The following CCP110 variants were observed in gnomAD, a reference collection of about 807,000 sequenced individuals.
The protein encoded by CCP110 is centriolar coiled-coil protein 110.
CCP110 carries 43 observed loss-of-function variants against 105.5 expected under a neutral mutation model. That is an observed-to-expected ratio of 0.41 (90% CI 0.32 to 0.53). The LOEUF (loss-of-function observed/expected upper bound fraction) is 0.53, where lower values mean the gene tolerates loss of function less well. Ranked by LOEUF, CCP110 falls within the 20% of genes least tolerant of loss-of-function variation. CCP110 has a pLI of 0.32. For synonymous variants in CCP110, 353 were observed against 392.1 expected, an observed-to-expected ratio of 0.90 and a Z score of 1.18; for missense variants, 1,016 against 1,189.1, an observed-to-expected ratio of 0.85 and a Z score of 2.14.
exon 15 of CCP110, chr16:19,553,167 T>TTTTAA (rs1165785770): frequency 6.6e-6 from 1 of 152,216 alleles, no homozygotes; most frequent in Non-Finnish European, 1.5e-5. Context: ...ACTTGAGTGT[T>TTTTAA]TTTAATTTAA....
In CCP110 at chr16:19,551,281, A is replaced by G. The variant is rs553788750; in HGVS notation, c.*33A>G. ...ACATTCATTAGGATAAAATGGGGGGAAGGATTATTATTCATGTTATTTTCC... is the reference window on the plus strand; with the variant it reads ...ACATTCATTAGGATAAAATGGGGGGGAGGATTATTATTCATGTTATTTTCC... On this transcript the variant is annotated 3_prime_UTR_variant, in exon 15 of 15. Coordinates refer to ENST00000381396, the Ensembl canonical transcript of CCP110. The G allele has an allele frequency of 5.2e-6, 8 of 1,550,730 alleles. No homozygotes were observed. The South Asian group carries it at 8.9e-5, about 17-fold the overall frequency.
In CCP110 at chr16:19,548,882, G is replaced by A. The variant is rs1970546958; in HGVS notation, c.2986+282G>A. 6.6e-6 allele frequency among the ~76,000 whole-genome samples: 1 copy of A among 152,160 alleles called. No individual in the cohort carries two copies. The highest frequency in any genetic ancestry group is 1.5e-5 in the Non-Finnish European group (1 of 68,020). ...TGTAGAATTTGCCATGCTTAATTCAGAAAACCTTTTTATTTAATGAATAAA... is the reference window on the plus strand; with the variant it reads ...TGTAGAATTTGCCATGCTTAATTCAAAAAACCTTTTTATTTAATGAATAAA... On this transcript the variant is annotated intron_variant, in intron 14 of 14. Coordinates refer to ENST00000381396, the Ensembl canonical transcript of CCP110. The surrounding 1 kb of genome is among the most constrained non-coding windows in gnomAD (Gnocchi z 4.1).
intron 3 of CCP110, among the ~76,000 whole-genome samples, chr16:19,535,705 ACT>A (rs142344334): frequency 0.045 from 6,891 of 152,002 alleles, 188 homozygotes; most frequent in African/African-American, 0.073. Context: ...TCTTTTTATA[ACT>A]CTTTTATAAC....
exon 4 of CCP110, chr16:19,536,679 C>G: frequency 6.2e-7 from 1 of 1,614,130 alleles, no homozygotes; most frequent in Non-Finnish European, 8.5e-7. Flanking sequence ...GTTCTAGAGT[C>G]TAATTCTGAT....
exon 13 of CCP110, chr16:19,547,979 G>T (rs1365630260): frequency 4.7e-5 from 76 of 1,612,376 alleles, no homozygotes; most frequent in Non-Finnish European, 6.2e-5. Context: ...ACCAAGGACA[G>T]AATGCACCTG....
chr16:19,545,700 A>T, intron 10 of CCP110, 117 bp from the exon 11 acceptor site: 1 of 651,112 alleles, frequency 1.5e-6, no homozygotes, highest in South Asian at 1.8e-5. Context: ...TGATTTAACT[A>T]AATTAAAAAT....
intron 2 of CCP110, among the ~76,000 whole-genome samples, chr16:19,528,759 C>T (rs896145300): frequency 1.3e-5 from 2 of 152,086 alleles, no homozygotes; most frequent in African/African-American, 2.4e-5. Flanking sequence ...ATTAGCCTGG[C>T]GCAGTGACAT....
At chr16:19,545,601 G>A (rs1478775028) in intron 10 of CCP110, among the ~76,000 whole-genome samples, 1 of 152,120 alleles carries the variant, frequency 6.6e-6, no homozygotes, top group African/African-American at 2.4e-5. Flanking sequence ...TTATCTTAGT[G>A]TGATTGGCAA....
chr16:19,541,717 GAGGGA>G (rs375814224), intron 5 of CCP110, among the ~76,000 whole-genome samples, 165 bp from the exon 6 acceptor site: 121 of 149,200 alleles, frequency 8.1e-4, no homozygotes, highest in African/African-American at 2.1e-3. Flanking sequence ...AAGAGGGAGG[GAGGGA>G]AGGGAAGGGA....
At chr16:19,545,197 T>C (rs200495908) in exon 10 of CCP110, 1 of 1,584,658 alleles carries the variant, frequency 6.3e-7, no homozygotes, top group East Asian at 2.2e-5. Context: ...AAAGAGAAAA[T>C]GCTCAGGCAA....
Position 19,540,858 on chromosome 16 carries a change from GTA to G in CCP110, c.2049+74_2049+75del, listed in dbSNP as rs1367546123. On this transcript the variant is annotated intron_variant, in intron 5 of 14. Coordinates refer to ENST00000381396, the Ensembl canonical transcript of CCP110. ...AAGGATACCTATGAATTTTGGTCAT[GTA>G]TAGAATACGTGTAATTTTTGCCTCC... The G allele has an allele frequency of 2.1e-6, 3 of 1,420,532 alleles. No homozygotes were observed. In the African/African-American group the frequency reaches 4.3e-5, roughly 20 times the overall value. 88.0% of individuals were successfully genotyped at this position (1,420,532 alleles called of 1,614,324 possible).
chr16:19,542,944 C>G (rs748648698), exon 8 of CCP110: 3 of 1,612,782 alleles, frequency 1.9e-6, no homozygotes, highest in South Asian at 1.1e-5. Flanking sequence ...ATTTCTTACT[C>G]GTAGACTTAT....
exon 4 of CCP110, chr16:19,537,210 T>G: frequency 6.2e-7 from 1 of 1,614,134 alleles, no homozygotes; most frequent in Non-Finnish European, 8.5e-7. Flanking sequence ...AGTCAGTGTA[T>G]AGCAAGTCCA....
chr16:19,551,516 A>G, exon 15 of CCP110: 1 of 435,840 alleles, frequency 2.3e-6, no homozygotes, highest in Non-Finnish European at 4.1e-6. Flanking sequence ...AGTTTATTTT[A>G]TATGCCCAGA....
chr16:19,539,756 C>T (rs1330767564), intron 4 of CCP110, among the ~76,000 whole-genome samples: 1 of 152,026 alleles, frequency 6.6e-6, no homozygotes, highest in Non-Finnish European at 1.5e-5. Flanking sequence ...CAAGAGGCTG[C>T]CTCAGTGAAT....
At chr16:19,536,779 T>C in exon 4 of CCP110, 1 of 1,614,172 alleles carries the variant, frequency 6.2e-7, no homozygotes, top group Non-Finnish European at 8.5e-7. Flanking sequence ...CAGAGCCAAG[T>C]ATGAGTCCTA....
At chr16:19,535,960 C>G in exon 4 of CCP110, 1 of 1,589,080 alleles carries the variant, frequency 6.3e-7, no homozygotes, top group Non-Finnish European at 8.6e-7. Context: ...CACCTAATGC[C>G]AGTGATTTTG....
At chr16:19,547,873 A>G in intron 12 of CCP110, 82 bp from the exon 13 acceptor site, 2 of 963,716 alleles carry the variant, frequency 2.1e-6, no homozygotes, top group African/African-American at 1.6e-5. Flanking sequence ...CCTTACAGTC[A>G]TCATCTTTCA....
chr16:19,540,634 T>G, intron 4 of CCP110, 23 bp from the exon 5 acceptor site: 2 of 1,597,778 alleles, frequency 1.3e-6, no homozygotes, highest in Non-Finnish European at 1.7e-6. Flanking sequence ...TTTTCTAAAT[T>G]GAGGAAACAT....
Sources: allele counts gnomAD v4.1 joint callset (sites outside exome capture counted in the v4.1 genomes callset), GRCh38; gene constraint gnomAD v4.1.1; non-coding constraint Gnocchi (gnomAD v3.1); transcripts MANE v1.5; gene names NCBI Gene and HGNC (gene_info 2026-07-23, HGNC 2026-07-21).